ADAMTSL1: variants seen among roughly 807,000 people sequenced by gnomAD.
ADAMTSL1 encodes ADAMTS like 1, also known as ADAMTS-like protein 1.
In ADAMTSL1, 126 loss-of-function variants were observed where a neutral mutation model predicts 201.8. That is an observed-to-expected ratio of 0.62 (90% CI 0.54 to 0.72). The LOEUF is 0.72. Ranked by LOEUF, ADAMTSL1 falls within the 30% of genes least tolerant of loss-of-function variation. ADAMTSL1 has a pLI of 0.00. For synonymous variants in ADAMTSL1, 1,121 were observed against 903.4 expected (o/e 1.24, Z -4.32); for missense variants, 2,679 against 2,277.8 (o/e 1.18, Z -3.59).
chr9:18,434,722 A>T (rs1416278619), intron 2 of ADAMTSL1, among the ~76,000 whole-genome samples: 1 of 152,104 alleles, frequency 6.6e-6, no homozygotes, highest in Non-Finnish European at 1.5e-5. Context: ...GAAACACTCA[A>T]ATGGCTCCTA....
chr9:18,728,126 A>AAAT (rs1435651062), intron 15 of ADAMTSL1, among the ~76,000 whole-genome samples: 1 of 124,460 alleles, frequency 8.0e-6, no homozygotes, highest in African/African-American at 2.9e-5. Context: ...ATAAATAAAT[A>AAAT]AATAAGACAA....
intron 23 of ADAMTSL1, among the ~76,000 whole-genome samples, chr9:18,873,244 C>T (rs577992919): frequency 8.5e-5 from 13 of 152,186 alleles, no homozygotes; most frequent in Middle Eastern, 3.4e-3. Flanking sequence ...TCCCACTCTG[C>T]GAGCTTCTGT....
At chr9:18,018,912 G>A (rs954822229) in intron 1 of ADAMTSL1, among the ~76,000 whole-genome samples, 2 of 152,048 alleles carry the variant, frequency 1.3e-5, no homozygotes, top group African/African-American at 4.8e-5. Flanking sequence ...TACATAAAAT[G>A]TGGGAGTGGC....
At chr9:18,241,766 C>T (rs954867396) in intron 2 of ADAMTSL1, among the ~76,000 whole-genome samples, 3 of 151,812 alleles carry the variant, frequency 2.0e-5, no homozygotes, top group Non-Finnish European at 2.9e-5. Flanking sequence ...AATGGGATAA[C>T]CTAGAAGAAA....
At chr9:18,431,116 C>A (rs1016452394) in intron 2 of ADAMTSL1, among the ~76,000 whole-genome samples, 2 of 152,212 alleles carry the variant, frequency 1.3e-5, no homozygotes, top group Non-Finnish European at 2.9e-5. Context: ...CATGCCACAC[C>A]TGTGCCATCA....
chr9:18,324,117 G>C (rs555544199), intron 2 of ADAMTSL1, among the ~76,000 whole-genome samples: 6 of 152,264 alleles, frequency 3.9e-5, no homozygotes, highest in Non-Finnish European at 7.4e-5. Context: ...ACTGAGAAGA[G>C]ACAAAATAGA....
chr9:18,088,658 A>C (rs1213537765), intron 1 of ADAMTSL1, among the ~76,000 whole-genome samples: 1 of 152,208 alleles, frequency 6.6e-6, no homozygotes, highest in African/African-American at 2.4e-5. Flanking sequence ...AGGGAAATGC[A>C]AATGAACACT....
intron 1 of ADAMTSL1, among the ~76,000 whole-genome samples, chr9:18,035,523 A>G (rs1821158307): frequency 1.3e-5 from 2 of 152,042 alleles, no homozygotes; most frequent in Admixed American, 6.6e-5. Flanking sequence ...TACTTATACA[A>G]TTTACTTCCT....
In ADAMTSL1 at chr9:18,639,291, A is replaced by G; in HGVS notation, c.714A>G (p.Glu238=). The G allele has an allele frequency of 6.2e-7, 1 of 1,613,038 alleles. No individual in the cohort carries two copies. The highest frequency in any genetic ancestry group is 8.5e-7 in the Non-Finnish European group (1 of 1,179,312). ...AAACCCTCCAGGGGACTAAAGGTGA[A>G]AACAGTCTCAGCTCCACAGGAACTT... ...ETKTLQGTKG[E]NSLSSTGTFL... Residue 238 remains glutamate, a synonymous_variant, in exon 7 of 29, where the codon GAA becomes GAG. Transcript: ENST00000380548.
At chr9:18,422,408 C>A (rs7020495) in intron 2 of ADAMTSL1, among the ~76,000 whole-genome samples, 101,446 of 151,960 alleles carry the variant, frequency 0.67, 34,027 homozygotes, top group East Asian at 0.85. Context: ...AATAATGTTA[C>A]ATTGTGTTTC....
intron 1 of ADAMTSL1, among the ~76,000 whole-genome samples, chr9:18,162,396 A>C (rs1827432765): frequency 6.6e-6 from 1 of 152,048 alleles, no homozygotes; most frequent in Non-Finnish European, 1.5e-5. Context: ...TAGTAGTCTT[A>C]ATTACATCTG....
At chr9:18,425,259 T>TA (rs968806960) in intron 2 of ADAMTSL1, among the ~76,000 whole-genome samples, 1 of 151,834 alleles carries the variant, frequency 6.6e-6, no homozygotes, top group African/African-American at 2.4e-5. Flanking sequence ...TGTTCTCACC[T>TA]AAAAAAAGAA....
At chr9:18,131,089 C>T (rs1825932502) in intron 1 of ADAMTSL1, among the ~76,000 whole-genome samples, 1 of 152,142 alleles carries the variant, frequency 6.6e-6, no homozygotes, top group Admixed American at 6.5e-5. Context: ...CTCTGCCATC[C>T]TCGAGAAAGG....
At chr9:18,676,195 C>G (rs1486971531) in intron 10 of ADAMTSL1, among the ~76,000 whole-genome samples, 2 of 152,014 alleles carry the variant, frequency 1.3e-5, no homozygotes, top group Non-Finnish European at 2.9e-5. Flanking sequence ...TTATGTCTTT[C>G]TTTCCCTCCC....
chr9:18,540,979 C>T (rs959726242), intron 3 of ADAMTSL1, among the ~76,000 whole-genome samples: 14 of 152,194 alleles, frequency 9.2e-5, no homozygotes, highest in African/African-American at 2.9e-4. Context: ...TCCCCAGACC[C>T]ATCCATGCTT....
intron 2 of ADAMTSL1, among the ~76,000 whole-genome samples, chr9:18,193,260 C>T (rs1829042774): frequency 6.6e-6 from 1 of 151,950 alleles, no homozygotes; most frequent in Non-Finnish European, 1.5e-5. Context: ...AAAAGATGAC[C>T]CTGGGAGTGG....
chr9:18,466,656 A>G (rs1361258478), intron 2 of ADAMTSL1, among the ~76,000 whole-genome samples: 2 of 152,152 alleles, frequency 1.3e-5, no homozygotes, highest in East Asian at 3.8e-4. Context: ...TTGTTTTAAA[A>G]TGAACTATAC....
chr9:18,794,633 T>TTG lies in ADAMTSL1; in HGVS notation c.3678-763_3678-762insGT, dbSNP rs1554636845. ...GTCTGGTTGTTTTTTGTTGTTTTTT[T>TTG]TTGTTGTTGTTGTTTTTTGAGACAG... On this transcript the variant is annotated intron_variant, in intron 19 of 28. Coordinates refer to ENST00000380548, the MANE Select transcript of ADAMTSL1 (RefSeq NM_001040272.6). 5.6e-4 allele frequency among the ~76,000 whole-genome samples: 64 copies of TTG among 114,908 alleles called. 2 individuals carry two copies. Among genetic ancestry groups the TTG allele is most frequent in the African/African-American group, 1.7e-3 (56 of 33,794 alleles). 75.4% of individuals were successfully genotyped at this position (114,908 alleles called of 152,430 possible). A position where few individuals can be genotyped will look rare whatever the true frequency, so the allele number is the denominator to read the frequency against.
At chr9:18,794,560 G>A (rs570183175) in intron 19 of ADAMTSL1, among the ~76,000 whole-genome samples, 1 of 152,108 alleles carries the variant, frequency 6.6e-6, no homozygotes, top group South Asian at 2.1e-4. Flanking sequence ...CTCTCAATAT[G>A]CAATTCTTGG....
Sources: allele counts gnomAD v4.1 joint callset (sites outside exome capture counted in the v4.1 genomes callset), GRCh38; gene constraint gnomAD v4.1.1; transcripts MANE v1.5; gene names NCBI Gene and HGNC (gene_info 2026-07-23, HGNC 2026-07-21).